Variants in OCA2 observed in about 807,000 individuals in gnomAD.
The protein encoded by OCA2 is OCA2 melanosomal transmembrane protein, also known as P protein.
OCA2 carries 77 observed loss-of-function variants against 100.2 expected under a neutral mutation model. That is an observed-to-expected ratio of 0.77 (90% CI 0.64 to 0.93). OCA2 has a LOEUF of 0.93. Among genes scored for constraint, OCA2 ranks in the 40% least tolerant of loss-of-function variants. The pLI is 0.00. For synonymous variants in OCA2, 432 were observed against 439.2 expected (o/e 0.98, Z 0.21); for missense variants, 1,062 against 1,089.1 (o/e 0.98, Z 0.35).
chr15:28,078,483 G>C lies in OCA2; in HGVS notation c.227+3165C>G, dbSNP rs147563478. Among the ~76,000 whole-genome samples, 152 of 152,320 alleles carry C rather than the reference G, an allele frequency of 1.0e-3. 1 individual carries two copies. Among genetic ancestry groups the C allele is most frequent in the African/African-American group, 3.2e-3 (135 of 41,578 alleles). On this transcript the variant is annotated intron_variant, in intron 2 of 23. Transcript: ENST00000354638. ...ATTAGGTCACAAAAGACTATCCCTTGTGCCTGCCCAGATGGAGTGGGCCCC... is the reference window on the plus strand; with the variant it reads ...ATTAGGTCACAAAAGACTATCCCTTCTGCCTGCCCAGATGGAGTGGGCCCC...
chr15:27,736,848 G>A, the OCA2 span, among the ~76,000 whole-genome samples: 1 of 152,120 alleles, frequency 6.6e-6, no homozygotes, highest in Admixed American at 6.5e-5. Context: ...GTCCTGACCA[G>A]TGCAATAATT....
intron 18 of OCA2, among the ~76,000 whole-genome samples, chr15:27,944,668 T>C (rs935135184): frequency 8.5e-5 from 13 of 152,066 alleles, no homozygotes; most frequent in Admixed American, 5.2e-4. Flanking sequence ...GGAGAACCAT[T>C]TCCCACACCC....
intron 5 of OCA2, among the ~76,000 whole-genome samples, chr15:28,023,643 C>T (rs1418212173): frequency 6.6e-6 from 1 of 152,172 alleles, no homozygotes; most frequent in Admixed American, 6.5e-5. Flanking sequence ...GTCACACCCC[C>T]ATCACAGCAG....
chr15:28,020,274 G>T (rs1412325988), intron 6 of OCA2, among the ~76,000 whole-genome samples: 1 of 152,166 alleles, frequency 6.6e-6, no homozygotes, highest in East Asian at 1.9e-4. Flanking sequence ...GGACACACTG[G>T]GGCCTGGGTG....
At chr15:27,943,670 T>TAA (rs1567136140) in intron 18 of OCA2, among the ~76,000 whole-genome samples, 192 of 127,206 alleles carry the variant, frequency 1.5e-3, no homozygotes, top group African/African-American at 4.8e-3. Flanking sequence ...AAAGTATAAT[T>TAA]TAAAAAAAAA....
At chr15:27,904,724 G>A (rs2038102932) in intron 19 of OCA2, among the ~76,000 whole-genome samples, 4 of 152,156 alleles carry the variant, frequency 2.6e-5, no homozygotes, top group Admixed American at 2.6e-4. Context: ...ACAAGGCCAG[G>A]AACCCTAGGC....
intron 23 of OCA2, among the ~76,000 whole-genome samples, chr15:27,815,437 G>A (rs2034260307): frequency 6.6e-6 from 1 of 152,188 alleles, no homozygotes; most frequent in Non-Finnish European, 1.5e-5. Flanking sequence ...AACTAGCAAT[G>A]AGGAAAAGAT....
intron 2 of OCA2, among the ~76,000 whole-genome samples, chr15:28,062,331 T>C (rs1292779567): frequency 6.6e-6 from 1 of 152,262 alleles, no homozygotes; most frequent in South Asian, 2.1e-4. Flanking sequence ...ATGTTGAGCA[T>C]CTTTTCAGTT....
At chr15:27,834,401 G>A (rs1433221559) in intron 23 of OCA2, among the ~76,000 whole-genome samples, 1 of 152,166 alleles carries the variant, frequency 6.6e-6, no homozygotes, top group Non-Finnish European at 1.5e-5. Context: ...CTTTTCATTT[G>A]AACCCTTTAT....
rs145242923 is a variant in OCA2, at chr15:28,022,592, T to G, written c.574-19A>C. ...ACAAAATCTGTAACAATCAGAAACG[T>G]TGAATGACAGAGGTGTGGTATGAGA... On this transcript the variant is annotated intron_variant, in intron 5 of 23. Coordinates refer to ENST00000354638, the MANE Select transcript of OCA2 (RefSeq NM_000275.3). 8 of 1,593,686 alleles carry G rather than the reference T, an allele frequency of 5.0e-6. No homozygotes were observed. Among genetic ancestry groups the G allele is most frequent in the South Asian group, 4.4e-5 (4 of 90,612 alleles).
chr15:27,980,975 T>G (rs2140947494), intron 14 of OCA2, among the ~76,000 whole-genome samples: 1 of 152,342 alleles, frequency 6.6e-6, no homozygotes, highest in South Asian at 2.1e-4. Context: ...TTCCCCTCTC[T>G]CCTTCAGAGA....
chr15:27,848,523 G>A (rs1198246422), intron 22 of OCA2, among the ~76,000 whole-genome samples: 2 of 152,182 alleles, frequency 1.3e-5, no homozygotes, highest in African/African-American at 2.4e-5. Flanking sequence ...GCACAGGGGG[G>A]TCGGGCCTGC....
At chr15:27,872,061 ATACACAGTCTATAAATAATT>A in intron 19 of OCA2, 139 bp from the exon 20 acceptor site, 2 of 693,036 alleles carry the variant, frequency 2.9e-6, no homozygotes, top group Non-Finnish European at 5.2e-6. Flanking sequence ...TCAGACTCAA[ATACACAGTCTATAAATAATT>A]TACTATCATA....
intron 11 of OCA2, among the ~76,000 whole-genome samples, chr15:27,987,208 T>C (rs188774920): frequency 1.9e-4 from 29 of 152,350 alleles, no homozygotes; most frequent in African/African-American, 6.7e-4. Context: ...CACCTGTTTC[T>C]TTCCAGTGAG....
At chr15:27,812,480 T>C (rs1337131151) in intron 23 of OCA2, among the ~76,000 whole-genome samples, 1 of 152,192 alleles carries the variant, frequency 6.6e-6, no homozygotes, top group African/African-American at 2.4e-5. Context: ...TGATAGGTTT[T>C]TATATTGACA....
intron 9 of OCA2, among the ~76,000 whole-genome samples, chr15:27,993,370 C>T (rs915485807): frequency 4.6e-5 from 7 of 152,106 alleles, no homozygotes; most frequent in Admixed American, 2.0e-4. Context: ...ACAAAGGACA[C>T]GCACACCCAG....
At chr15:27,846,876 C>T (rs944694989) in intron 22 of OCA2, among the ~76,000 whole-genome samples, 4 of 152,134 alleles carry the variant, frequency 2.6e-5, no homozygotes, top group African/African-American at 9.7e-5. Flanking sequence ...GGGAGCACAG[C>T]TCTTTCCTTG....
intron 23 of OCA2, among the ~76,000 whole-genome samples, chr15:27,773,684 C>A (rs897761963): frequency 2.0e-5 from 3 of 152,094 alleles, no homozygotes; most frequent in African/African-American, 7.2e-5. Context: ...TAAGTCATAC[C>A]CAAGGTCACA....
Position 27,797,789 on chromosome 15 carries a change from G to A in OCA2, c.2433-42317C>T, listed in dbSNP as rs949006095. Among the ~76,000 whole-genome samples, 18 of 152,298 alleles carry A rather than the reference G, an allele frequency of 1.2e-4. 1 individual carries two copies. The highest frequency in any genetic ancestry group is 8.3e-4 in the South Asian group (4 of 4,822). On this transcript the variant is annotated intron_variant, in intron 23 of 23. Transcript: ENST00000354638. ...ATGAGCTGCAGAGAGACTGGAGGGC[G>A]AGGAGTAACGGGAAACACAGGAGCA...
Sources: allele counts gnomAD v4.1 joint callset (sites outside exome capture counted in the v4.1 genomes callset), GRCh38; gene constraint gnomAD v4.1.1; transcripts MANE v1.5; gene names NCBI Gene and HGNC (gene_info 2026-07-23, HGNC 2026-07-21).